Variants in SLC20A1 observed in about 807,000 individuals in gnomAD.
The protein encoded by SLC20A1 is sodium-dependent phosphate transporter 1.
In SLC20A1, 28 loss-of-function variants were observed where a neutral mutation model predicts 62.7. The ratio of observed to expected loss-of-function variants is 0.45; its 90% CI spans 0.33 to 0.61. The LOEUF is 0.61. Among genes scored for constraint, SLC20A1 ranks in the 20% least tolerant of loss-of-function variants. The probability of loss-of-function intolerance (pLI) is 0.02; values close to 1 mark genes in which losing one functional copy is unlikely to be tolerated. For missense variants in SLC20A1, 673 were observed against 838.6 expected, an observed-to-expected ratio of 0.80 and a Z score of 2.44; for synonymous variants, 305 against 302.9, an observed-to-expected ratio of 1.01 and a Z score of -0.07.
intron 4 of SLC20A1, among the ~76,000 whole-genome samples, chr2:112,650,520 G>A (rs762800197): frequency 6.6e-6 from 1 of 151,580 alleles, no homozygotes; most frequent in Non-Finnish European, 1.5e-5. Context: ...TGGTAGAGAC[G>A]GGGTTTCACC....
chr2:112,659,667 T>C lies in SLC20A1; in HGVS notation c.1512T>C (p.Tyr504=), dbSNP rs758648036. The change falls in exon 8 of 11, where the codon TAT becomes TAC. Residue 504 remains tyrosine (Y), a synonymous_variant. Transcript: ENST00000272542. ...GTAATGGCTCTCTAGAAGAATGGTA[T>C]GACCAGGATAAGCCTGAAGTCTCTC... is the stretch of plus-strand genomic sequence containing the variant. The part of the protein sequence containing the change: ...KGSNGSLEEW[Y]DQDKPEVSLL... The C allele has an allele frequency of 3.1e-6, 5 of 1,614,254 alleles. No individual in the cohort carries two copies. The highest frequency in any genetic ancestry group is 4.2e-6 in the Non-Finnish European group (5 of 1,180,040).
At chr2:112,661,329 G>T in intron 10 of SLC20A1, 103 bp downstream of exon 10, 1 of 837,928 alleles carries the variant, frequency 1.2e-6, no homozygotes, top group Non-Finnish European at 2.0e-6. Flanking sequence ...TTGTGCAGTT[G>T]GAGTCTTGAA....
Position 112,659,513 on chromosome 2 carries a change from C to G in SLC20A1, c.1358C>G (p.Ala453Gly). ...EEMEKLTWPN[A>G]DSKKRIRMDS... ...ATGGAGAAGCTGACATGGCCTAATG[C>G]AGACTCCAAGAAGCGAATTCGAATG... Residue 453 changes from alanine (A) to glycine (G), a missense_variant, in exon 8 of 11, where the codon GCA becomes GGA. Coordinates refer to ENST00000272542, the MANE Select transcript of SLC20A1 (RefSeq NM_005415.5). The G allele has an allele frequency of 6.2e-7, 1 of 1,614,248 alleles. No homozygotes were observed. Among genetic ancestry groups the G allele is most frequent in the Non-Finnish European group, 8.5e-7 (1 of 1,180,050 alleles).
At chr2:112,657,607 A>C (rs1057447566) in intron 6 of SLC20A1, among the ~76,000 whole-genome samples, 1 of 152,240 alleles carries the variant, frequency 6.6e-6, no homozygotes, top group Admixed American at 6.5e-5. Flanking sequence ...TTAATGAAAA[A>C]TAAGGGGTAG....
chr2:112,646,818 T>C lies in SLC20A1; in HGVS notation c.-11T>C, dbSNP rs1686292076. 26 of 1,597,504 alleles carry C rather than the reference T, an allele frequency of 1.6e-5. No homozygotes were observed. The highest frequency in any genetic ancestry group is 2.2e-5 in the Non-Finnish European group (26 of 1,168,984). On this transcript the variant is annotated 5_prime_UTR_variant, in exon 2 of 11. Coordinates refer to ENST00000272542, the MANE Select transcript of SLC20A1 (RefSeq NM_005415.5). ...AGTAGTTCTCTTACTAAACAACCAC[T>C]ACTCCAGAGAATGGCAACGCTGATT...
At chr2:112,655,710 T>G (rs1482018065) in intron 5 of SLC20A1, among the ~76,000 whole-genome samples, 3 of 152,114 alleles carry the variant, frequency 2.0e-5, no homozygotes, top group Non-Finnish European at 2.9e-5. Context: ...TTCGTTTGTT[T>G]TTGTGACGGA....
chr2:112,650,666 C>T (rs1686410058), intron 4 of SLC20A1, among the ~76,000 whole-genome samples: 1 of 151,870 alleles, frequency 6.6e-6, no homozygotes, highest in Non-Finnish European at 1.5e-5. Flanking sequence ...GCCTGTCACC[C>T]AGGCTGGAGT....
intron 4 of SLC20A1, chr2:112,651,881 A>G (rs765916461): frequency 1.1e-4 from 17 of 152,206 alleles, no homozygotes; most frequent in African/African-American, 2.9e-4. Context: ...CAGCGCCCAA[A>G]TAATCAGGTG....
At chr2:112,653,230 C>T (rs62159879) in intron 5 of SLC20A1, 3,936 of 240,636 alleles carry the variant, frequency 0.016, 42 homozygotes, top group Non-Finnish European at 0.024. Context: ...AAGTACTAAA[C>T]TTCCATGAAT....
chr2:112,647,035 T>TG lies in SLC20A1; in HGVS notation c.208dup (p.Glu70GlyfsTer22), dbSNP rs1558689330. On this transcript the variant is annotated frameshift_variant, in exon 2 of 11. Transcript: ENST00000272542. LOFTEE classifies it high-confidence loss of function. ...AAGCCTGCATCCTAGCTAGCATCTT[T>TG]GAAACAGTGGGCTCTGTCTTACTGG... 6.2e-7 allele frequency: 1 copy of TG among 1,614,182 alleles called. No homozygotes were observed. Among genetic ancestry groups the TG allele is most frequent in the East Asian group, 2.2e-5 (1 of 44,890 alleles).
rs1686612711 is a variant in SLC20A1, at chr2:112,657,145, C to G, written c.682C>G (p.Leu228Val). The change falls in exon 6 of 11, where the codon CTG becomes GTG. Residue 228 changes from leucine to valine, a missense_variant. Leu to Val is a conservative substitution (Grantham distance 32). Transcript: ENST00000272542. ...AGTGCTGGGCTTTGACAAACTTCCT[C>G]TGTGGGGTACCATCCTCATCTCGGT... ...APLLGFDKLP[L>V]WGTILISVGC... is the part of the protein sequence containing the mutation. The G allele has an allele frequency of 1.2e-6, 2 of 1,613,510 alleles. No homozygotes were observed. The highest frequency in any genetic ancestry group is 1.7e-5 in the Admixed American group (1 of 59,924).
chr2:112,652,537 GA>G, intron 4 of SLC20A1, 164 bp from the exon 5 acceptor site: 2 of 603,862 alleles, frequency 3.3e-6, no homozygotes, highest in Non-Finnish European at 5.8e-6. Context: ...GCCTTCGTAG[GA>G]AGAATTCCAG....
In SLC20A1 at chr2:112,651,204, A is replaced by T. The variant is rs181542117; in HGVS notation, c.562-1498A>T. On this transcript the variant is annotated intron_variant, in intron 4 of 10. Transcript: ENST00000272542. The stretch of plus-strand genomic sequence containing the variant: ...TACCTTTACTTTACACATGGGTCTG[A>T]GCTTTCCCTTGTTTCACTGGTCTTA... Among the ~76,000 whole-genome samples, 22 of 152,268 alleles carry T rather than the reference A, an allele frequency of 1.4e-4. 1 individual carries two copies. The highest frequency in any genetic ancestry group is 5.1e-4 in the African/African-American group (21 of 41,560).
intron 6 of SLC20A1, 178 bp from the exon 7 acceptor site, chr2:112,658,647 C>T: frequency 1.4e-6 from 1 of 707,850 alleles, no homozygotes; most frequent in Non-Finnish European, 2.2e-6. Context: ...CTGGTTGTTC[C>T]CAAGTGAGAG....
At position 112,659,503 on chromosome 2, in the gene SLC20A1, T is replaced by A; in HGVS notation, c.1348T>A (p.Trp450Arg). ...GGGCGAAGAAATGGAGAAGCTGACA[T>A]GGCCTAATGCAGACTCCAAGAAGCG... ...QKGEEMEKLT[W>R]PNADSKKRIR... The change falls in exon 8 of 11, where the codon TGG (tryptophan) becomes AGG (arginine). Residue 450 changes from tryptophan (W) to arginine (R), a missense_variant. Coordinates refer to ENST00000272542, the MANE Select transcript of SLC20A1 (RefSeq NM_005415.5). 6.2e-7 allele frequency: 1 copy of A among 1,614,240 alleles called. No homozygotes were observed. The highest frequency in any genetic ancestry group is 8.5e-7 in the Non-Finnish European group (1 of 1,180,050).
chr2:112,652,582 A>G (rs1686472425), intron 4 of SLC20A1, 120 bp from the exon 5 acceptor site: 5 of 745,006 alleles, frequency 6.7e-6, no homozygotes, highest in Non-Finnish European at 1.1e-5. Flanking sequence ...TTGTCCTTGG[A>G]AACTACTCTG....
chr2:112,650,061 G>A (rs376476340), intron 4 of SLC20A1, among the ~76,000 whole-genome samples: 30 of 152,002 alleles, frequency 2.0e-4, no homozygotes, highest in African/African-American at 6.5e-4. Context: ...TAAACTATTG[G>A]TATAGTAGTG....
Position 112,647,585 on chromosome 2 carries a change from C to T in SLC20A1, c.476-68C>T, listed in dbSNP as rs1460070171. 9 of 1,578,460 alleles carry T rather than the reference C, an allele frequency of 5.7e-6. No homozygotes were observed. In the East Asian group the frequency reaches 1.1e-4, roughly 20 times the overall value. ...GACCCAAGAATTTTGAACTCTTAAA[C>T]ATTTAAAGTGGTTTTTGGTTTCTGA... On this transcript the variant is annotated intron_variant, in intron 3 of 10. Transcript: ENST00000272542.
intron 9 of SLC20A1, 196 bp from the exon 10 acceptor site, chr2:112,660,946 G>C (rs147261847): frequency 2.0e-6 from 1 of 512,370 alleles, no homozygotes; most frequent in Non-Finnish European, 3.5e-6. Flanking sequence ...AAAACTGGAA[G>C]CCTTTGAATA....
Sources: gnomAD v4.1 joint callset for allele counts (sites outside exome capture counted in the v4.1 genomes callset) on GRCh38, gnomAD v4.1.1 for gene constraint, MANE v1.5 for transcripts, NCBI Gene and HGNC (gene_info 2026-07-23, HGNC 2026-07-21) for gene names.